TUSC3: variants seen among roughly 807,000 people sequenced by gnomAD.
The protein encoded by TUSC3 is tumor suppressor candidate 3.
A neutral mutation model predicts 44.8 loss-of-function variants in TUSC3; 45 were observed. The observed-to-expected ratio is 1.00, with a 90% CI of 0.79 to 1.29. The LOEUF is 1.29. Ranked by LOEUF, TUSC3 falls within the 50% of genes most tolerant of loss-of-function variation. The pLI is 0.00. For synonymous variants in TUSC3, 212 were observed against 152.9 expected, an observed-to-expected ratio of 1.39 and a Z score of -2.85; for missense variants, 519 against 437.9, an observed-to-expected ratio of 1.19 and a Z score of -1.65.
At chr8:15,495,461 C>G (rs939558093) in intron 2 of TUSC3, among the ~76,000 whole-genome samples, 3 of 152,168 alleles carry the variant, frequency 2.0e-5, no homozygotes, top group Admixed American at 1.3e-4. Context: ...GCCTGAACCT[C>G]CAGCAGGACT....
intron 1 of TUSC3, among the ~76,000 whole-genome samples, chr8:15,610,289 G>C (rs1484345374): frequency 6.6e-6 from 1 of 152,014 alleles, no homozygotes; most frequent in Non-Finnish European, 1.5e-5. Context: ...TCAGTATACT[G>C]CATGATGTTT....
At chr8:15,700,821 G>C (rs1369628025) in intron 6 of TUSC3, among the ~76,000 whole-genome samples, 5 of 141,946 alleles carry the variant, frequency 3.5e-5, no homozygotes, top group Admixed American at 7.0e-5. Flanking sequence ...CCCTTTTCTG[G>C]TCCTTTCACT....
chr8:15,615,470 A>C (rs761680445), intron 1 of TUSC3, among the ~76,000 whole-genome samples: 1 of 152,196 alleles, frequency 6.6e-6, no homozygotes, highest in African/African-American at 2.4e-5. Context: ...AGGATGGGAA[A>C]AGTAGGCAGG....
At chr8:15,682,288 C>G (rs926334173) in intron 6 of TUSC3, among the ~76,000 whole-genome samples, 4 of 152,086 alleles carry the variant, frequency 2.6e-5, no homozygotes, top group Non-Finnish European at 5.9e-5. Context: ...GTGTGCCTGT[C>G]CAAGTCTTTT....
At chr8:15,780,444 G>C in the TUSC3 span, among the ~76,000 whole-genome samples, 4 of 152,064 alleles carry the variant, frequency 2.6e-5, no homozygotes, top group African/African-American at 7.2e-5. Context: ...AGAGTCTCTA[G>C]ACCACAGAAA....
At chr8:15,841,261 T>G in the TUSC3 span, among the ~76,000 whole-genome samples, 1 of 152,134 alleles carries the variant, frequency 6.6e-6, no homozygotes, top group South Asian at 2.1e-4. Context: ...ATTCTAAAGG[T>G]TGAGTAGACT....
the TUSC3 span, among the ~76,000 whole-genome samples, chr8:15,822,867 T>C: frequency 1.3e-5 from 2 of 152,126 alleles, no homozygotes; most frequent in African/African-American, 4.8e-5. Context: ...GCAGTATCAG[T>C]TTTGTTGGAG....
intron 1 of TUSC3, among the ~76,000 whole-genome samples, chr8:15,444,215 C>T (rs528783291): frequency 6.6e-6 from 1 of 152,248 alleles, no homozygotes; most frequent in East Asian, 1.9e-4. Context: ...AATAGACTAC[C>T]TGAAAAGTAA....
intron 6 of TUSC3, among the ~76,000 whole-genome samples, chr8:15,683,749 A>G (rs1490851636): frequency 6.6e-6 from 1 of 152,142 alleles, no homozygotes; most frequent in Admixed American, 6.5e-5. Flanking sequence ...ATTCCTTCTC[A>G]GAAGGAACTG....
intron 1 of TUSC3, among the ~76,000 whole-genome samples, chr8:15,434,922 ATC>A (rs1206584983): frequency 1.3e-5 from 2 of 151,228 alleles, no homozygotes; most frequent in East Asian, 3.9e-4. Flanking sequence ...CATTTTCTTA[ATC>A]CAGTCTATCA....
At chr8:15,769,028 C>A (rs149902332), downstream of TUSC3, among the ~76,000 whole-genome samples, 771 of 152,214 alleles carry the variant, frequency 5.1e-3, 5 homozygotes, top group African/African-American at 0.018. Flanking sequence ...TAAATGCTAT[C>A]CATCAACCTG....
At chr8:15,626,629 C>G (rs2129166121) in intron 2 of TUSC3, among the ~76,000 whole-genome samples, 1 of 152,294 alleles carries the variant, frequency 6.6e-6, no homozygotes, top group East Asian at 1.9e-4. Context: ...CCCCCTTACC[C>G]CTGCAGGCTT....
At chr8:15,535,707 A>C (rs1345472748), upstream of TUSC3, among the ~76,000 whole-genome samples, 1 of 152,190 alleles carries the variant, frequency 6.6e-6, no homozygotes, top group African/African-American at 2.4e-5. Context: ...ACTAGAAATA[A>C]ATGAAACAAT....
At chr8:15,826,297 C>A in the TUSC3 span, among the ~76,000 whole-genome samples, 1 of 152,224 alleles carries the variant, frequency 6.6e-6, no homozygotes, top group East Asian at 1.9e-4. Context: ...ATTTGGCCTG[C>A]CACACCTCAA....
chr8:15,511,736 G>C lies in TUSC3; in HGVS notation n.189+28253G>C, dbSNP rs1044157191. 2.6e-5 allele frequency among the ~76,000 whole-genome samples: 4 copies of C among 152,214 alleles called. No individual in the cohort carries two copies. In the East Asian group the frequency reaches 7.7e-4, roughly 29 times the overall value. ...AATAAAAGAATTAGCCGGGCGTGGT[G>C]GTGGGTGCCTATAATCCCAGATACT... On this transcript the variant is annotated intron_variant and non_coding_transcript_variant, in intron 2 of 5. Coordinates refer to the TUSC3 transcript ENST00000503191.
intron 1 of TUSC3, among the ~76,000 whole-genome samples, chr8:15,596,937 G>T (rs927150260): frequency 1.3e-5 from 2 of 152,118 alleles, no homozygotes; most frequent in Non-Finnish European, 2.9e-5. Context: ...CTGTGTAGCA[G>T]GTGACAAGGT....
At chr8:15,581,962 T>G (rs577883345) in intron 1 of TUSC3, among the ~76,000 whole-genome samples, 2 of 149,772 alleles carry the variant, frequency 1.3e-5, no homozygotes, top group East Asian at 3.9e-4. Context: ...GTCAGCGAGA[T>G]TCCGTGGGCG....
At chr8:15,490,346 G>C (rs1172788453) in intron 2 of TUSC3, among the ~76,000 whole-genome samples, 1 of 152,138 alleles carries the variant, frequency 6.6e-6, no homozygotes, top group Non-Finnish European at 1.5e-5. Context: ...AAGAATTCAT[G>C]ACTTCTATCA....
chr8:15,828,298 A>G, the TUSC3 span, among the ~76,000 whole-genome samples: 1 of 152,156 alleles, frequency 6.6e-6, no homozygotes, highest in Non-Finnish European at 1.5e-5. Flanking sequence ...CCCAGCCAAT[A>G]TAATTTTTTT....
Sources: gnomAD v4.1 joint callset for allele counts (sites outside exome capture counted in the v4.1 genomes callset) on GRCh38, gnomAD v4.1.1 for gene constraint, MANE v1.5 for transcripts, NCBI Gene and HGNC (gene_info 2026-07-23, HGNC 2026-07-21) for gene names.